The following HSPG2 variants were observed in gnomAD, a reference collection of about 807,000 sequenced individuals.
The protein encoded by HSPG2 is heparan sulfate proteoglycan 2.
HSPG2 carries 278 observed loss-of-function variants against 526.6 expected under a neutral mutation model. The observed-to-expected ratio is 0.53, with a 90% CI of 0.48 to 0.58. The LOEUF (loss-of-function observed/expected upper bound fraction) is 0.58, where lower values mean the gene tolerates loss of function less well. Among genes scored for constraint, HSPG2 ranks in the 20% least tolerant of loss-of-function variants. The pLI, the probability that HSPG2 is intolerant of heterozygous loss-of-function variation, is 0.00. For missense variants in HSPG2, 5,354 were observed against 6,099.5 expected (o/e 0.88, Z 4.07); for synonymous variants, 2,465 against 2,555.4 (o/e 0.96, Z 1.07).
In HSPG2 at chr1:21,839,082, G is replaced by A. The variant is rs772760659; in HGVS notation, c.9893C>T (p.Pro3298Leu). 14 of 1,578,368 alleles carry A rather than the reference G, an allele frequency of 8.9e-6. No homozygotes were observed. Among genetic ancestry groups the A allele is most frequent in the Middle Eastern group, 1.7e-4 (1 of 5,874 alleles). ...EATIILHVES[P>L]PYATTVPEHA... ...CTCTGGGACCGTGGTGGCATATGGT[G>A]GGCCTGAGTGGGGGGACACAGAGGT... The change falls in exon 74 of 97, where the codon CCA (proline) becomes CTA (leucine). Residue 3298 changes from proline to leucine, a missense_variant. By Grantham distance (98) the Pro-to-Leu change is moderately conservative (BLOSUM62 -3). Coordinates refer to ENST00000374695, the MANE Select transcript of HSPG2 (RefSeq NM_005529.7). This position sits in a 1 kb window ranked among gnomAD's most constrained non-coding sequence, Gnocchi z 4.5.
Position 21,823,435 on chromosome 1 carries a change from T to A in HSPG2, c.13057A>T (p.Thr4353Ser), listed in dbSNP as rs750870035. The change falls in exon 97 of 97, where the codon ACA becomes TCA. Residue 4353 changes from threonine to serine, a missense_variant. By Grantham distance (58) the Thr-to-Ser change is moderately conservative. Transcript: ENST00000374695. ...AGCACCAGGTTCTTGACACAGCCTGTGATGCCTGAGGAGAATCTGCCCCCG... is the reference window on the plus strand; with the variant it reads ...AGCACCAGGTTCTTGACACAGCCTGAGATGCCTGAGGAGAATCTGCCCCCG... ...LTGGRFSSGI[T>S]GCVKNLVLHS... 1.9e-6 allele frequency: 3 copies of A among 1,590,994 alleles called. No individual in the cohort carries two copies. Among genetic ancestry groups the A allele is most frequent in the Non-Finnish European group, 2.6e-6 (3 of 1,173,272 alleles).
chr1:21,840,878 C>T (rs993897500), intron 71 of HSPG2, among the ~76,000 whole-genome samples: 5 of 152,154 alleles, frequency 3.3e-5, no homozygotes, highest in African/African-American at 1.2e-4. Flanking sequence ...ACTTGGCCTT[C>T]GACCCACCCT....
Position 21,848,084 on chromosome 1 carries a change from A to G in HSPG2, c.7747T>C (p.Ser2583Pro). 1 of 1,603,670 alleles carries G rather than the reference A, an allele frequency of 6.2e-7. No homozygotes were observed. Among genetic ancestry groups the G allele is most frequent in the Non-Finnish European group, 8.5e-7 (1 of 1,175,630 alleles). The change falls in exon 60 of 97, where the codon TCC (serine) becomes CCC (proline). Residue 2583 changes from serine to proline, a missense_variant. By Grantham distance (74) the Ser-to-Pro change is moderately conservative. Transcript: ENST00000374695. This position sits in a 1 kb window ranked among gnomAD's most constrained non-coding sequence, Gnocchi z 4.9. ...GTCACCTGAGGGATCCGCAGCCGGG[A>G]GCCCACGATCTGCAGGAAGCAGATG... The part of the protein sequence containing the change: ...SLPSRHQIVG[S>P]RLRIPQVTPA...
At chr1:21,857,774 C>T (rs1393727584) in intron 42 of HSPG2, among the ~76,000 whole-genome samples, 1 of 152,188 alleles carries the variant, frequency 6.6e-6, no homozygotes, top group Non-Finnish European at 1.5e-5. Flanking sequence ...ACCACCCTTC[C>T]ACTTTCTTAG....
At chr1:21,931,518 C>G (rs1644350505) in intron 1 of HSPG2, among the ~76,000 whole-genome samples, 1 of 152,180 alleles carries the variant, frequency 6.6e-6, no homozygotes, top group African/African-American at 2.4e-5. Flanking sequence ...GAGGTAGGCC[C>G]AGCAGATACT....
chr1:21,835,034 C>A, intron 76 of HSPG2, 89 bp from the exon 77 acceptor site: 1 of 1,423,908 alleles, frequency 7.0e-7, no homozygotes, highest in South Asian at 1.2e-5. Flanking sequence ...GAAAGGTGAG[C>A]ACTGAAGCTC....
chr1:21,834,696 A>G lies in HSPG2; in HGVS notation c.10703T>C (p.Val3568Ala). 6.2e-7 allele frequency: 1 copy of G among 1,614,172 alleles called. No homozygotes were observed. Among genetic ancestry groups the G allele is most frequent in the Non-Finnish European group, 8.5e-7 (1 of 1,180,038 alleles). Reference protein sequence around the residue: ...TNAAGTTQSHVLLLVQALPQI... With the variant: ...TNAAGTTQSHALLLVQALPQI... ...GCCTTCACCTTGCACAAGCAGCAGG[A>G]CGTGGGATTGTGTGGTGCCAGCTGC... Residue 3568 changes from valine (V) to alanine (A), a missense_variant, in exon 77 of 97, where the codon GTC becomes GCC. Coordinates refer to ENST00000374695, the MANE Select transcript of HSPG2 (RefSeq NM_005529.7).
intron 1 of HSPG2, among the ~76,000 whole-genome samples, chr1:21,920,772 C>G (rs752440369): frequency 4.6e-5 from 7 of 152,198 alleles, no homozygotes; most frequent in Non-Finnish European, 1.0e-4. Flanking sequence ...CCTCCTCCCC[C>G]ACTCCTGGAC....
chr1:21,907,826 CTT>C, intron 1 of HSPG2, among the ~76,000 whole-genome samples: 1 of 152,342 alleles, frequency 6.6e-6, no homozygotes, highest in East Asian at 1.9e-4. Flanking sequence ...AAATCCACCT[CTT>C]TCCTTTCTAT....
At chr1:21,910,524 T>C (rs1353588614) in intron 1 of HSPG2, among the ~76,000 whole-genome samples, 1 of 152,184 alleles carries the variant, frequency 6.6e-6, no homozygotes, top group Non-Finnish European at 1.5e-5. Context: ...TCCCAGTGTG[T>C]GAAAGCACTC....
rs1557735762 is a variant in HSPG2 at position 21,860,241 on chromosome 1, AG to A, written c.4956-7del. ...CCACGTAACCTGGGCCACACCTGTA[AG>A]GGGGAACAAGGGCCGGCAATGTCAG... On this transcript the variant is annotated splice_region_variant and splice_polypyrimidine_tract_variant and intron_variant, in intron 39 of 96. Transcript: ENST00000374695. 1 of 1,612,416 alleles carries A rather than the reference AG, an allele frequency of 6.2e-7. No homozygotes were observed. The highest frequency in any genetic ancestry group is 2.2e-5 in the East Asian group (1 of 44,820).
Position 21,862,041 on chromosome 1 carries a change from C to A in HSPG2, c.4815G>T (p.Gly1605=). 1.2e-6 allele frequency: 2 copies of A among 1,614,210 alleles called. No individual in the cohort carries two copies. Among genetic ancestry groups the A allele is most frequent in the Non-Finnish European group, 1.7e-6 (2 of 1,180,036 alleles). Residue 1605 remains glycine (G), a synonymous_variant, in exon 38 of 97, where the codon GGG becomes GGT. Transcript: ENST00000374695. ...APGYYGDATA[G]TPEDCQPCAC... is the part of the protein sequence containing the mutation. ...CACAGGGCTGGCAGTCCTCAGGCGT[C>A]CCGGCTGTGGCATCTCCGTAGTAGC...
chr1:21,842,020 G>A lies in HSPG2; in HGVS notation c.9175C>T (p.Arg3059Trp), dbSNP rs760017518. 27 of 1,613,374 alleles carry A rather than the reference G, an allele frequency of 1.7e-5. No homozygotes were observed. The highest frequency in any genetic ancestry group is 3.3e-5 in the Admixed American group (2 of 60,004). The change falls in exon 69 of 97, where the codon CGG becomes TGG. Residue 3059 changes from arginine (R) to tryptophan (W), a missense_variant. Coordinates refer to ENST00000374695, the MANE Select transcript of HSPG2 (RefSeq NM_005529.7). ...AAPISLEWKT[R>W]NQELEDNVHI... ...GGCTCACCCTCCAGCTCCTGGTTCC[G>A]GGTCTTCCACTCGAGGCTGATGGGG...
chr1:21,850,828 A>G (rs1267623026), intron 55 of HSPG2, among the ~76,000 whole-genome samples: 1 of 152,240 alleles, frequency 6.6e-6, no homozygotes, highest in Non-Finnish European at 1.5e-5. Flanking sequence ...TCTCGCAATC[A>G]GTGGTATCCT....
intron 1 of HSPG2, among the ~76,000 whole-genome samples, chr1:21,930,778 A>C (rs1644327711): frequency 6.6e-6 from 1 of 152,176 alleles, no homozygotes; most frequent in African/African-American, 2.4e-5. Flanking sequence ...CATCTCAAAA[A>C]AAAAAAAAAG....
intron 1 of HSPG2, among the ~76,000 whole-genome samples, chr1:21,921,709 T>G (rs1163643378): frequency 6.6e-6 from 1 of 152,196 alleles, no homozygotes; most frequent in East Asian, 1.9e-4. Context: ...ACCCCCAGCA[T>G]CCGCTCCTCC....
At chr1:21,906,732 G>C (rs12062224) in intron 1 of HSPG2, among the ~76,000 whole-genome samples, 1 of 81,956 alleles carries the variant, frequency 1.2e-5, no homozygotes, top group Admixed American at 1.4e-4. Flanking sequence ...ACTGGGGGGT[G>C]GGGGGGGGTC....
At chr1:21,915,244 C>T (rs1005714462) in intron 1 of HSPG2, among the ~76,000 whole-genome samples, 12 of 152,212 alleles carry the variant, frequency 7.9e-5, no homozygotes, top group Non-Finnish European at 1.5e-4. Context: ...CTAAGGGGCC[C>T]AGGCAGCCGG....
intron 91 of HSPG2, chr1:21,825,094 G>A (rs2097966479): frequency 2.4e-6 from 1 of 423,050 alleles, no homozygotes; most frequent in African/African-American, 2.0e-5. Context: ...CATGACAGTA[G>A]CTGCAAATAT....
Sources: allele counts gnomAD v4.1 joint callset (sites outside exome capture counted in the v4.1 genomes callset), GRCh38; gene constraint gnomAD v4.1.1; non-coding constraint Gnocchi (gnomAD v3.1); transcripts MANE v1.5; gene names NCBI Gene and HGNC (gene_info 2026-07-23, HGNC 2026-07-21).